MND1: variants seen among roughly 807,000 people sequenced by gnomAD.
The protein encoded by MND1 is meiotic nuclear division protein 1 homolog.
In MND1, 28 loss-of-function variants were observed where a neutral mutation model predicts 35.1. The observed-to-expected ratio is 0.80, with a 90% CI of 0.59 to 1.09. The LOEUF (loss-of-function observed/expected upper bound fraction) is 1.09. MND1 is among the 50% of genes least tolerant of loss of function. MND1 has a pLI of 0.00. For missense variants in MND1, 213 were observed against 239.6 expected, an observed-to-expected ratio of 0.89 and a Z score of 0.73; for synonymous variants, 69 against 70.5, an observed-to-expected ratio of 0.98 and a Z score of 0.11.
intron 7 of MND1, among the ~76,000 whole-genome samples, chr4:153,411,723 T>C (rs1466757537): frequency 2.6e-5 from 4 of 152,234 alleles, no homozygotes; most frequent in Non-Finnish European, 5.9e-5. Flanking sequence ...CCCTACAAGC[T>C]TCCTACATTG....
chr4:153,411,921 T>C (rs1243004936), intron 7 of MND1, among the ~76,000 whole-genome samples: 1 of 152,242 alleles, frequency 6.6e-6, no homozygotes, highest in Non-Finnish European at 1.5e-5. Flanking sequence ...CTGTAATACC[T>C]GCAGTGCACC....
At chr4:153,394,190 GA>G (rs1729135218) in intron 4 of MND1, 71 bp from the exon 5 acceptor site, 1 of 1,417,164 alleles carries the variant, frequency 7.1e-7, no homozygotes, top group Non-Finnish European at 9.8e-7. Flanking sequence ...GCACCTGGTG[GA>G]CTTTGTTTTC....
chr4:153,380,542 T>C (rs1340106077), intron 4 of MND1, among the ~76,000 whole-genome samples: 1 of 152,190 alleles, frequency 6.6e-6, no homozygotes, highest in Non-Finnish European at 1.5e-5. Flanking sequence ...AAAAAATTCA[T>C]GCTCTGGGAA....
intron 4 of MND1, chr4:153,362,962 G>A (rs1773531828): frequency 1.0e-6 from 1 of 978,786 alleles, no homozygotes; most frequent in East Asian, 1.1e-4. Context: ...ACATGGCATG[G>A]ATTGAGAGAT....
At chr4:153,386,356 G>A (rs1312682588) in intron 4 of MND1, among the ~76,000 whole-genome samples, 2 of 151,748 alleles carry the variant, frequency 1.3e-5, no homozygotes, top group South Asian at 2.1e-4. Context: ...AATTAGCCGG[G>A]TATGATGGTG....
At chr4:153,393,582 T>C (rs147460285) in intron 4 of MND1, among the ~76,000 whole-genome samples, 312 of 152,104 alleles carry the variant, frequency 2.1e-3, no homozygotes, top group Non-Finnish European at 3.6e-3. Context: ...TTTTGCCGTG[T>C]TGCCCAGGCT....
intron 4 of MND1, among the ~76,000 whole-genome samples, chr4:153,393,388 T>TTTTG: frequency 7.1e-6 from 1 of 140,036 alleles, no homozygotes; most frequent in Non-Finnish European, 1.5e-5. Context: ...TTTTTTTTTT[T>TTTTG]GAAACAGGGT....
chr4:153,350,150 C>T (rs1561053089), intron 2 of MND1, 21 bp downstream of exon 2: 2 of 1,550,058 alleles, frequency 1.3e-6, no homozygotes, highest in Admixed American at 1.9e-5. Flanking sequence ...TTCTTTAACA[C>T]TTATAATTTT....
chr4:153,353,778 G>C (rs769974826), intron 2 of MND1, among the ~76,000 whole-genome samples: 2 of 152,010 alleles, frequency 1.3e-5, no homozygotes, highest in Non-Finnish European at 2.9e-5. Flanking sequence ...GGAGTGCAGT[G>C]GTGTGATCTT....
intron 6 of MND1, 131 bp downstream of exon 6, chr4:153,397,464 G>GT (rs1729229937): frequency 1.7e-6 from 1 of 599,842 alleles, no homozygotes; most frequent in Admixed American, 3.2e-5. Context: ...TCTGTTTGTA[G>GT]TACTCTAATT....
intron 4 of MND1, among the ~76,000 whole-genome samples, chr4:153,366,568 G>T (rs1045232851): frequency 3.9e-5 from 6 of 152,152 alleles, no homozygotes; most frequent in Non-Finnish European, 8.8e-5. Context: ...TTAACCAACG[G>T]CTTCACTAAT....
At chr4:153,346,950 C>G (rs1773090730) in intron 1 of MND1, among the ~76,000 whole-genome samples, 1 of 152,104 alleles carries the variant, frequency 6.6e-6, no homozygotes, top group Admixed American at 6.5e-5. Flanking sequence ...AGATTCTGGG[C>G]TGACAAAAGT....
intron 4 of MND1, among the ~76,000 whole-genome samples, chr4:153,389,517 C>T (rs997305125): frequency 1.3e-5 from 2 of 152,146 alleles, no homozygotes; most frequent in Admixed American, 1.3e-4. Flanking sequence ...TATGCCACCA[C>T]ACCCAGCTAA....
intron 4 of MND1, among the ~76,000 whole-genome samples, chr4:153,371,018 C>T (rs767513806): frequency 1.3e-5 from 2 of 152,062 alleles, no homozygotes; most frequent in African/African-American, 2.4e-5. Context: ...GGCATGAAAA[C>T]GTTAATCTCC....
intron 2 of MND1, among the ~76,000 whole-genome samples, chr4:153,353,606 T>TC (rs1400606803): frequency 1.2e-4 from 18 of 151,706 alleles, no homozygotes; most frequent in Non-Finnish European, 2.2e-4. Context: ...TATAGTGCCC[T>TC]TGGATGAGTA....
At chr4:153,367,026 G>T (rs144255067) in intron 4 of MND1, among the ~76,000 whole-genome samples, 23 of 151,960 alleles carry the variant, frequency 1.5e-4, no homozygotes, top group Non-Finnish European at 3.2e-4. Context: ...TACTCTCCCC[G>T]CCTCTCCCCT....
intron 4 of MND1, among the ~76,000 whole-genome samples, chr4:153,376,868 C>T (rs1186722963): frequency 6.6e-6 from 1 of 152,032 alleles, no homozygotes; most frequent in Non-Finnish European, 1.5e-5. Flanking sequence ...CAGTACCTAG[C>T]ACCGTTTTTG....
chr4:153,408,032 T>G (rs1729571005), intron 6 of MND1, among the ~76,000 whole-genome samples: 1 of 152,046 alleles, frequency 6.6e-6, no homozygotes, highest in Non-Finnish European at 1.5e-5. Flanking sequence ...TCCCAGCACT[T>G]TAGGAGGCCA....
Position 153,414,907 on chromosome 4 carries a change from T to A in MND1, c.*50T>A. The A allele has an allele frequency of 1.3e-6, 1 of 789,898 alleles. No individual in the cohort carries two copies. The highest frequency in any genetic ancestry group is 2.0e-6 in the Non-Finnish European group (1 of 500,462). 48.9% of individuals were successfully genotyped at this position (789,898 alleles called of 1,614,324 possible). A position where few individuals can be genotyped will look rare whatever the true frequency, so the allele number is the denominator to read the frequency against. On this transcript the variant is annotated 3_prime_UTR_variant, in exon 8 of 8. Coordinates refer to ENST00000240488, the MANE Select transcript of MND1 (RefSeq NM_032117.4). ...TACAAGCTTGTGAATATGTAAATTTTAAACTATTATCTAACTAAGTGTACT... is the reference window on the plus strand; with the variant it reads ...TACAAGCTTGTGAATATGTAAATTTAAAACTATTATCTAACTAAGTGTACT...
Sources: allele counts gnomAD v4.1 joint callset (sites outside exome capture counted in the v4.1 genomes callset), GRCh38; gene constraint gnomAD v4.1.1; transcripts MANE v1.5; gene names NCBI Gene and HGNC (gene_info 2026-07-23, HGNC 2026-07-21).